The following ABHD2 variants were observed in gnomAD, a reference collection of about 807,000 sequenced individuals.
The protein encoded by ABHD2 is abhydrolase domain containing 2, acylglycerol lipase, also known as monoacylglycerol lipase ABHD2.
ABHD2 carries 20 observed loss-of-function variants against 48.1 expected under a neutral mutation model. The ratio of observed to expected loss-of-function variants is 0.42; its 90% CI spans 0.29 to 0.60. The LOEUF (loss-of-function observed/expected upper bound fraction) is 0.60. Ranked by LOEUF, ABHD2 falls within the 20% of genes least tolerant of loss-of-function variation. The pLI is 0.24. For synonymous variants in ABHD2, 209 were observed against 214.2 expected (o/e 0.98, Z 0.21); for missense variants, 405 against 550.9 (o/e 0.74, Z 2.65).
intron 1 of ABHD2, chr15:89,093,697 T>G (rs1295401265): frequency 6.6e-6 from 1 of 152,428 alleles, no homozygotes; most frequent in Non-Finnish European, 1.5e-5. Flanking sequence ...GTAATTTTGT[T>G]GCTGTCCTTG....
the ABHD2 span, among the ~76,000 whole-genome samples, chr15:89,062,735 G>A: frequency 6.6e-6 from 1 of 152,084 alleles, no homozygotes; most frequent in African/African-American, 2.4e-5. Flanking sequence ...GGGTTGGGGA[G>A]TGGTTCTAAG....
At chr15:89,063,168 A>G in the ABHD2 span, among the ~76,000 whole-genome samples, 1 of 151,990 alleles carries the variant, frequency 6.6e-6, no homozygotes, top group South Asian at 2.1e-4. Context: ...GGGTTTTACC[A>G]TGTTGGCCAG....
intron 5 of ABHD2, among the ~76,000 whole-genome samples, chr15:89,172,589 T>C (rs1167793554): frequency 6.6e-6 from 1 of 152,268 alleles, no homozygotes; most frequent in African/African-American, 2.4e-5. Context: ...AACATGGGTA[T>C]ACTTACATAT....
chr15:89,073,305 C>G, the ABHD2 span, among the ~76,000 whole-genome samples: 42 of 151,968 alleles, frequency 2.8e-4, no homozygotes, highest in Non-Finnish European at 4.1e-4. Context: ...TCTGGGGAAT[C>G]TGTAGTTTTT....
chr15:89,042,761 C>T, the ABHD2 span, among the ~76,000 whole-genome samples: 1 of 151,992 alleles, frequency 6.6e-6, no homozygotes, highest in Non-Finnish European at 1.5e-5. Flanking sequence ...ACTCTCATGC[C>T]TCAGCCTCCC....
the ABHD2 span, among the ~76,000 whole-genome samples, chr15:89,077,610 A>C: frequency 6.6e-6 from 1 of 152,212 alleles, no homozygotes; most frequent in Non-Finnish European, 1.5e-5. Flanking sequence ...AACAGGCATA[A>C]TCATATTCAC....
In ABHD2 at chr15:89,116,378, G is replaced by A. The variant is rs1555427054; in HGVS notation, c.51G>A (p.Val17=). Residue 17 remains valine (V), a synonymous_variant, in exon 3 of 11, where the codon GTG becomes GTA. Coordinates refer to ENST00000352732, the MANE Select transcript of ABHD2 (RefSeq NM_152924.5). This position sits in a 1 kb window ranked among gnomAD's most constrained non-coding sequence, Gnocchi z 4.6. ...AACTCCCAGCCGTGTTTGATGGAGTGAAGCTGGCTGCAGTGGCTGCTGTGC... is the reference window on the plus strand; with the variant it reads ...AACTCCCAGCCGTGTTTGATGGAGTAAAGCTGGCTGCAGTGGCTGCTGTGC... ...TPELPAVFDG[V]KLAAVAAVLY... is the part of the protein sequence containing the mutation. 1 of 1,614,250 alleles carries A rather than the reference G, an allele frequency of 6.2e-7. No homozygotes were observed. The highest frequency in any genetic ancestry group is 8.5e-7 in the Non-Finnish European group (1 of 1,180,042).
intron 3 of ABHD2, among the ~76,000 whole-genome samples, chr15:89,143,321 C>G (rs1455593552): frequency 6.6e-6 from 1 of 152,178 alleles, no homozygotes; most frequent in Non-Finnish European, 1.5e-5. Flanking sequence ...GAACGAACCA[C>G]TGGGAGATAA....
Position 89,202,076 on chromosome 15 carries a change from T to G in ABHD2, c.*6653T>G, listed in dbSNP as rs1301373152. Reference sequence around the variant, plus strand: ...TTTTTGAGTTTGTGTTCTGAAAGCCTCCGTGCTGCTGGATCTTTGGGGGGA... The same window carrying G: ...TTTTTGAGTTTGTGTTCTGAAAGCCGCCGTGCTGCTGGATCTTTGGGGGGA... On this transcript the variant is annotated 3_prime_UTR_variant, in exon 11 of 11. Transcript: ENST00000352732. 1.0e-5 allele frequency: 3 copies of G among 290,370 alleles called. No homozygotes were observed. The South Asian group carries it at 1.3e-4, about 13-fold the overall frequency. The allele number at this position is 290,370 out of a possible 1,614,324, so 18.0% of individuals were successfully genotyped here. A position where few individuals can be genotyped will look rare whatever the true frequency, so the allele number is the denominator to read the frequency against.
intron 9 of ABHD2, 60 bp downstream of exon 9, chr15:89,191,209 G>A (rs2051298623): frequency 3.9e-6 from 6 of 1,525,450 alleles, no homozygotes; most frequent in South Asian, 1.2e-5. Flanking sequence ...CACACAATAC[G>A]ACAGATACCT....
chr15:89,072,246 C>T, the ABHD2 span, among the ~76,000 whole-genome samples: 1 of 152,122 alleles, frequency 6.6e-6, no homozygotes, highest in Non-Finnish European at 1.5e-5. Flanking sequence ...GAGACCGAGG[C>T]AGGTGCATCA....
intron 5 of ABHD2, among the ~76,000 whole-genome samples, chr15:89,162,224 G>A (rs1044793764): frequency 3.3e-5 from 5 of 152,098 alleles, no homozygotes; most frequent in African/African-American, 7.2e-5. Context: ...TCATCACAAC[G>A]GAAACACTTA....
chr15:89,151,097 C>T lies in ABHD2; in HGVS notation c.195-580C>T, dbSNP rs1002743857. Among the ~76,000 whole-genome samples, 7 of 152,362 alleles carry T rather than the reference C, an allele frequency of 4.6e-5. No homozygotes were observed. Among genetic ancestry groups the T allele is most frequent in the East Asian group, 3.9e-4 (2 of 5,186 alleles). ...CAATCCAACAAATATTTACACTGCA[C>T]TGCCCTTACAGCATATTCTCTGGAG... On this transcript the variant is annotated intron_variant, in intron 3 of 10. Coordinates refer to ENST00000352732, the MANE Select transcript of ABHD2 (RefSeq NM_152924.5). This position sits in a 1 kb window ranked among gnomAD's most constrained non-coding sequence, Gnocchi z 4.7.
chr15:89,195,870 C>A lies in ABHD2; in HGVS notation c.*447C>A, dbSNP rs930248744. 6.5e-6 allele frequency: 1 copy of A among 153,428 alleles called. No individual in the cohort carries two copies. The highest frequency in any genetic ancestry group is 2.1e-4 in the South Asian group (1 of 4,870). The allele number at this position is 153,428 out of a possible 1,614,324, so 9.5% of individuals were successfully genotyped here. A position where few individuals can be genotyped will look rare whatever the true frequency, so the allele number is the denominator to read the frequency against. On this transcript the variant is annotated 3_prime_UTR_variant, in exon 11 of 11. Coordinates refer to ENST00000352732, the MANE Select transcript of ABHD2 (RefSeq NM_152924.5). This position sits in a 1 kb window ranked among gnomAD's most constrained non-coding sequence, Gnocchi z 5.1. ...AAGAGCTCACCCTTCCAGGCCAATGCTGAAGACACAGCTCCGCTTGGGAGC... is the reference window on the plus strand; with the variant it reads ...AAGAGCTCACCCTTCCAGGCCAATGATGAAGACACAGCTCCGCTTGGGAGC...
At position 89,137,428 on chromosome 15, in the gene ABHD2, G is replaced by T. The variant is rs1020342061; in HGVS notation, c.195-14249G>T. 1.3e-5 allele frequency among the ~76,000 whole-genome samples: 2 copies of T among 152,142 alleles called. No homozygotes were observed. The highest frequency in any genetic ancestry group is 4.8e-5 in the African/African-American group (2 of 41,426). On this transcript the variant is annotated intron_variant, in intron 3 of 10. Coordinates refer to ENST00000352732, the MANE Select transcript of ABHD2 (RefSeq NM_152924.5). This position sits in a 1 kb window ranked among gnomAD's most constrained non-coding sequence, Gnocchi z 4.8. ...TAGTTTCTTTTTAAGTGGTTTTATT[G>T]TAACTCATGGGGCTGTTCTCCTAAC... is the stretch of plus-strand genomic sequence containing the variant.
chr15:89,105,849 T>A (rs1596067541), intron 1 of ABHD2, among the ~76,000 whole-genome samples: 1 of 151,996 alleles, frequency 6.6e-6, no homozygotes, highest in Non-Finnish European at 1.5e-5. Context: ...GTGGTGGTGG[T>A]GAGAGGAGGT....
the ABHD2 span, among the ~76,000 whole-genome samples, chr15:89,052,585 C>T: frequency 1.3e-5 from 2 of 149,068 alleles, no homozygotes; most frequent in African/African-American, 5.0e-5. Context: ...ACACACGACA[C>T]ACACACAAGG....
At chr15:89,046,494 C>G in the ABHD2 span, among the ~76,000 whole-genome samples, 2,460 of 151,776 alleles carry the variant, frequency 0.016, 55 homozygotes, top group African/African-American at 0.057. Context: ...CCTTGTACCT[C>G]TGGTAGAATT....
chr15:89,060,861 G>C, the ABHD2 span, among the ~76,000 whole-genome samples: 1 of 151,848 alleles, frequency 6.6e-6, no homozygotes, highest in Non-Finnish European at 1.5e-5. Flanking sequence ...TTGAAATCAA[G>C]ACTGTATATG....
Sources: allele counts gnomAD v4.1 joint callset (sites outside exome capture counted in the v4.1 genomes callset), GRCh38; gene constraint gnomAD v4.1.1; non-coding constraint Gnocchi (gnomAD v3.1); transcripts MANE v1.5; gene names NCBI Gene and HGNC (gene_info 2026-07-23, HGNC 2026-07-21).